Variants in SRPK2 observed in about 807,000 individuals in gnomAD.
SRPK2 encodes SRSF protein kinase 2, also known as SFRS protein kinase 2.
A neutral mutation model predicts 90.8 loss-of-function variants in SRPK2; 21 were observed. That is an observed-to-expected ratio of 0.23 (90% CI 0.16 to 0.33). The LOEUF (loss-of-function observed/expected upper bound fraction) is 0.33. Among genes scored for constraint, SRPK2 ranks in the 10% least tolerant of loss-of-function variants. The pLI, the probability that SRPK2 is intolerant of heterozygous loss-of-function variation, is 1.00. For missense variants in SRPK2, 620 were observed against 869.0 expected (o/e 0.71, Z 3.60); for synonymous variants, 288 against 311.1 (o/e 0.93, Z 0.78).
chr7:105,167,247 T>C, intron 6 of SRPK2, 130 bp downstream of exon 6: 1 of 688,266 alleles, frequency 1.5e-6, no homozygotes. Context: ...GACCACTTCA[T>C]AATACTTGAC....
intron 2 of SRPK2, among the ~76,000 whole-genome samples, chr7:105,294,565 T>G (rs1462781445): frequency 6.6e-6 from 1 of 152,100 alleles, no homozygotes; most frequent in Non-Finnish European, 1.5e-5. Context: ...GGAGTCTCTG[T>G]GTTCAGGCTA....
chr7:105,355,890 A>C (rs2132143210), intron 2 of SRPK2, among the ~76,000 whole-genome samples: 1 of 151,822 alleles, frequency 6.6e-6, no homozygotes, highest in South Asian at 2.1e-4. Flanking sequence ...CTCTACAAAA[A>C]ATACAAAAAT....
chr7:105,380,636 G>A (rs935914131), intron 2 of SRPK2, among the ~76,000 whole-genome samples: 2 of 147,870 alleles, frequency 1.4e-5, no homozygotes, highest in Non-Finnish European at 3.0e-5. Context: ...CAATTCTCCC[G>A]CCTCACCCTC....
chr7:105,226,382 A>G (rs1285084873), intron 2 of SRPK2, among the ~76,000 whole-genome samples: 2 of 152,034 alleles, frequency 1.3e-5, no homozygotes, highest in Non-Finnish European at 2.9e-5. Context: ...CTCCACCTCC[A>G]GGGTTCAAGT....
intron 2 of SRPK2, among the ~76,000 whole-genome samples, chr7:105,359,150 CTTTTTTT>C (rs35765090): frequency 7.3e-5 from 4 of 54,830 alleles, no homozygotes; most frequent in East Asian, 1.4e-3. Flanking sequence ...CAAACCACAG[CTTTTTTT>C]TTTTTTTTTT....
upstream of SRPK2, among the ~76,000 whole-genome samples, chr7:105,390,626 T>G (rs1042191813): frequency 1.7e-3 from 262 of 149,952 alleles, 3 homozygotes; most frequent in African/African-American, 6.1e-3. Flanking sequence ...TTTTTTTTTT[T>G]TTTTTTAGTA....
chr7:105,181,329 A>G (rs945497707), intron 3 of SRPK2, among the ~76,000 whole-genome samples: 3 of 152,208 alleles, frequency 2.0e-5, no homozygotes, highest in African/African-American at 7.2e-5. Context: ...GGAAATTTAA[A>G]CAGAGTTATC....
intron 2 of SRPK2, among the ~76,000 whole-genome samples, chr7:105,234,580 C>T (rs1799902604): frequency 6.6e-6 from 1 of 152,162 alleles, no homozygotes; most frequent in Non-Finnish European, 1.5e-5. Flanking sequence ...CATTAAGTAA[C>T]TTACCCAATG....
intron 2 of SRPK2, among the ~76,000 whole-genome samples, chr7:105,376,621 C>T (rs1002471480): frequency 1.3e-5 from 2 of 151,284 alleles, no homozygotes; most frequent in African/African-American, 4.9e-5. Context: ...TCACTGCAAC[C>T]TCCACCTCTC....
intron 2 of SRPK2, among the ~76,000 whole-genome samples, chr7:105,285,141 T>C (rs1228816651): frequency 2.0e-5 from 3 of 152,072 alleles, no homozygotes; most frequent in Admixed American, 2.0e-4. Flanking sequence ...ATCCCAGCAC[T>C]TTGGAAGCCC....
At chr7:105,137,857 A>T (rs1803108667) in intron 11 of SRPK2, among the ~76,000 whole-genome samples, 1 of 152,186 alleles carries the variant, frequency 6.6e-6, no homozygotes. Context: ...CTTGCCTCAA[A>T]TTCACGAAGT....
chr7:105,295,511 A>G (rs1809694896), intron 2 of SRPK2, among the ~76,000 whole-genome samples: 1 of 152,204 alleles, frequency 6.6e-6, no homozygotes, highest in African/African-American at 2.4e-5. Flanking sequence ...ATAAACCTTG[A>G]AAACATTATG....
intron 2 of SRPK2, among the ~76,000 whole-genome samples, chr7:105,289,178 G>A (rs1808607271): frequency 6.6e-6 from 1 of 151,128 alleles, no homozygotes; most frequent in Non-Finnish European, 1.5e-5. Flanking sequence ...GGAGGCTGAG[G>A]CAGGAGACTG....
At chr7:105,169,464 C>A (rs1790522534) in intron 3 of SRPK2, among the ~76,000 whole-genome samples, 199 bp from the exon 4 acceptor site, 1 of 152,140 alleles carries the variant, frequency 6.6e-6, no homozygotes, top group Non-Finnish European at 1.5e-5. Context: ...TGGTGGCTTA[C>A]ACCTGTAATC....
intron 2 of SRPK2, among the ~76,000 whole-genome samples, chr7:105,290,917 A>G (rs989576072): frequency 6.0e-5 from 9 of 150,392 alleles, no homozygotes; most frequent in African/African-American, 1.2e-4. Context: ...GGGCGCCTGT[A>G]GTCCCAGCTA....
intron 2 of SRPK2, among the ~76,000 whole-genome samples, chr7:105,291,603 G>A (rs180950810): frequency 6.6e-5 from 10 of 152,210 alleles, no homozygotes; most frequent in Admixed American, 3.9e-4. Flanking sequence ...GGTGGCGCAC[G>A]CCTATAGTCC....
intron 2 of SRPK2, among the ~76,000 whole-genome samples, chr7:105,319,538 A>C (rs1490407944): frequency 9.8e-6 from 1 of 102,196 alleles, no homozygotes; most frequent in Non-Finnish European, 2.0e-5. Context: ...GCAGGGGGAG[A>C]ATATAAGCCC....
intron 2 of SRPK2, among the ~76,000 whole-genome samples, chr7:105,314,705 C>T (rs1563227359): frequency 6.6e-6 from 1 of 152,086 alleles, no homozygotes; most frequent in African/African-American, 2.4e-5. Context: ...TTGTAAATGC[C>T]GGCTGACATA....
At chr7:105,295,967 C>T (rs1809761302) in intron 2 of SRPK2, among the ~76,000 whole-genome samples, 1 of 152,158 alleles carries the variant, frequency 6.6e-6, no homozygotes, top group African/African-American at 2.4e-5. Flanking sequence ...TCTTGAAGTA[C>T]TTCTAATGAA....
Sources: gnomAD v4.1 joint callset for allele counts (sites outside exome capture counted in the v4.1 genomes callset) on GRCh38, gnomAD v4.1.1 for gene constraint, MANE v1.5 for transcripts, NCBI Gene and HGNC (gene_info 2026-07-23, HGNC 2026-07-21) for gene names.